Variants in DNAH11 observed in about 807,000 individuals in gnomAD.
DNAH11 encodes the protein axonemal beta dynein heavy chain 11.
DNAH11 carries 442 observed loss-of-function variants against 526.0 expected under a neutral mutation model. The ratio of observed to expected loss-of-function variants is 0.84; its 90% CI spans 0.78 to 0.91. DNAH11 has a LOEUF of 0.91. Among genes scored for constraint, DNAH11 ranks in the 40% least tolerant of loss-of-function variants. The probability of loss-of-function intolerance (pLI) is 0.00; values close to 1 mark genes in which losing one functional copy is unlikely to be tolerated. For missense variants in DNAH11, 6,989 were observed against 5,448.7 expected, an observed-to-expected ratio of 1.28 and a Z score of -8.90; for synonymous variants, 2,461 against 1,935.9, an observed-to-expected ratio of 1.27 and a Z score of -7.12.
chr7:21,662,310 G>T (rs1782270129), intron 30 of DNAH11, among the ~76,000 whole-genome samples: 1 of 152,168 alleles, frequency 6.6e-6, no homozygotes, highest in Non-Finnish European at 1.5e-5. Context: ...TTTGTAACAT[G>T]TGTGCCTACC....
At chr7:21,660,742 T>C (rs541112247) in intron 30 of DNAH11, among the ~76,000 whole-genome samples, 1 of 152,194 alleles carries the variant, frequency 6.6e-6, no homozygotes, top group East Asian at 1.9e-4. Context: ...TGTATAAATC[T>C]GTAGCTATTT....
intron 28 of DNAH11, among the ~76,000 whole-genome samples, chr7:21,648,243 T>C (rs969189697): frequency 5.9e-5 from 9 of 152,214 alleles, no homozygotes; most frequent in Non-Finnish European, 1.3e-4. Flanking sequence ...CCAATAAAAG[T>C]ACGTAACGTA....
intron 62 of DNAH11, among the ~76,000 whole-genome samples, chr7:21,802,534 T>G (rs1005326546): frequency 1.3e-5 from 2 of 152,218 alleles, no homozygotes; most frequent in Non-Finnish European, 2.9e-5. Context: ...CATAGCAGCA[T>G]TATTCATAAT....
At chr7:21,841,396 G>T (rs1407763616) in intron 65 of DNAH11, among the ~76,000 whole-genome samples, 1 of 152,058 alleles carries the variant, frequency 6.6e-6, no homozygotes, top group Non-Finnish European at 1.5e-5. Flanking sequence ...AAGTACAGCT[G>T]GCCCTGAAAT....
intron 40 of DNAH11, 114 bp downstream of exon 40, chr7:21,707,949 A>G: frequency 1.8e-6 from 2 of 1,100,562 alleles, no homozygotes; most frequent in Admixed American, 3.1e-5. Context: ...TGTTGGCATT[A>G]TTGGAAATAT....
intron 60 of DNAH11, among the ~76,000 whole-genome samples, chr7:21,788,357 C>T (rs895053125): frequency 6.6e-5 from 10 of 152,120 alleles, no homozygotes; most frequent in Admixed American, 3.3e-4. Context: ...AGGGATAGGA[C>T]TCTCTTGATC....
At chr7:21,608,541 T>C (rs1785392857) in intron 20 of DNAH11, among the ~76,000 whole-genome samples, 1 of 152,346 alleles carries the variant, frequency 6.6e-6, no homozygotes, top group East Asian at 1.9e-4. Flanking sequence ...TTTAAACTTA[T>C]TCAGAAAACA....
At chr7:21,625,747 T>C (rs1446259089) in intron 25 of DNAH11, among the ~76,000 whole-genome samples, 2 of 152,140 alleles carry the variant, frequency 1.3e-5, no homozygotes, top group Non-Finnish European at 2.9e-5. Flanking sequence ...TTTAGTTTCT[T>C]CTTTGACCCA....
chr7:21,864,718 G>T lies in DNAH11; in HGVS notation c.11496+61G>T, dbSNP rs73685318. On this transcript the variant is annotated intron_variant, in intron 70 of 81. Coordinates refer to ENST00000409508, the MANE Select transcript of DNAH11 (RefSeq NM_001277115.2). ...TTATTTAAAATATTAGCTCTCTCCAGTGTTGAAATGTAAACATTAAAGAAT... is the reference window on the plus strand; with the variant it reads ...TTATTTAAAATATTAGCTCTCTCCATTGTTGAAATGTAAACATTAAAGAAT... 3,111 of 1,459,808 alleles carry T rather than the reference G, an allele frequency of 2.1e-3. 54 individuals carry two copies. In the African/African-American group the frequency reaches 0.039, roughly 18 times the overall value. The allele number at this position is 1,459,808 out of a possible 1,614,324, so 90.4% of individuals were successfully genotyped here. A position where few individuals can be genotyped will look rare whatever the true frequency, so the allele number is the denominator to read the frequency against.
intron 63 of DNAH11, among the ~76,000 whole-genome samples, chr7:21,809,392 C>T (rs190587375): frequency 6.6e-5 from 10 of 152,254 alleles, no homozygotes; most frequent in Admixed American, 2.6e-4. Flanking sequence ...TAGCTTGATA[C>T]GATCCCACTT....
At chr7:21,742,238 T>C in intron 49 of DNAH11, 72 bp downstream of exon 49, 1 of 1,510,384 alleles carries the variant, frequency 6.6e-7, no homozygotes, top group Non-Finnish European at 8.9e-7. Flanking sequence ...AGCCCATTTT[T>C]TATGTCACTA....
chr7:21,895,726 C>G (rs1784488133), intron 79 of DNAH11, among the ~76,000 whole-genome samples: 1 of 152,104 alleles, frequency 6.6e-6, no homozygotes, highest in Non-Finnish European at 1.5e-5. Context: ...AGCATGCACA[C>G]TTTTGACTTT....
intron 55 of DNAH11, among the ~76,000 whole-genome samples, chr7:21,767,109 G>C (rs141258270): frequency 3.5e-4 from 54 of 152,308 alleles, no homozygotes; most frequent in African/African-American, 1.2e-3. Flanking sequence ...TGCCAGGTCT[G>C]CTGCATTTCT....
chr7:21,660,710 T>C (rs1782206462), intron 30 of DNAH11, among the ~76,000 whole-genome samples: 1 of 152,004 alleles, frequency 6.6e-6, no homozygotes, highest in Admixed American at 6.6e-5. Flanking sequence ...TGTATAGACA[T>C]GCCTGTTTAT....
chr7:21,674,031 TG>T (rs1562744991), intron 30 of DNAH11, among the ~76,000 whole-genome samples: 105 of 42,018 alleles, frequency 2.5e-3, no homozygotes, highest in Middle Eastern at 0.011. Context: ...TTTTGTTTTG[TG>T]TGTGTGTGTG....
intron 62 of DNAH11, among the ~76,000 whole-genome samples, chr7:21,803,197 A>G (rs562009956): frequency 1.3e-5 from 2 of 152,314 alleles, no homozygotes; most frequent in South Asian, 2.1e-4. Flanking sequence ...TAACTGCACT[A>G]TTAGAAATGC....
chr7:21,573,554 C>A (rs1193895051), intron 8 of DNAH11, among the ~76,000 whole-genome samples: 1 of 152,078 alleles, frequency 6.6e-6, no homozygotes, highest in African/African-American at 2.4e-5. Flanking sequence ...TAAAATATTG[C>A]ATTTATCATA....
intron 65 of DNAH11, among the ~76,000 whole-genome samples, chr7:21,825,795 T>TA (rs1157885319): frequency 6.6e-6 from 1 of 151,914 alleles, no homozygotes; most frequent in African/African-American, 2.4e-5. Context: ...CCTTCTCTAC[T>TA]AAAAATACAA....
chr7:21,873,720 A>C (rs1242151656), intron 74 of DNAH11, among the ~76,000 whole-genome samples: 1 of 151,470 alleles, frequency 6.6e-6, no homozygotes, highest in Non-Finnish European at 1.5e-5. Context: ...GTCTCACCCT[A>C]ACATTAAGAA....
Sources: gnomAD v4.1 joint callset for allele counts (sites outside exome capture counted in the v4.1 genomes callset) on GRCh38, gnomAD v4.1.1 for gene constraint, MANE v1.5 for transcripts, NCBI Gene and HGNC (gene_info 2026-07-23, HGNC 2026-07-21) for gene names.